TGFBR1: variants seen among roughly 807,000 people sequenced by gnomAD.
The protein encoded by TGFBR1 is TGF-beta receptor type-1.
A neutral mutation model predicts 55.1 loss-of-function variants in TGFBR1; 20 were observed. That is an observed-to-expected ratio of 0.36 (90% CI 0.26 to 0.53). TGFBR1 has a LOEUF of 0.53. Ranked by LOEUF, TGFBR1 falls within the 20% of genes least tolerant of loss-of-function variation. TGFBR1 has a pLI of 0.91. For synonymous variants in TGFBR1, 220 were observed against 214.8 expected (o/e 1.02, Z -0.21); for missense variants, 385 against 617.6 (o/e 0.62, Z 3.99).
chr9:99,104,752 C>G (rs532980039), upstream of TGFBR1, among the ~76,000 whole-genome samples: 7 of 152,256 alleles, frequency 4.6e-5, no homozygotes, highest in East Asian at 1.4e-3. Context: ...CGTCGAACGG[C>G]CACAGCCTTT....
intron 1 of TGFBR1, among the ~76,000 whole-genome samples, chr9:99,112,493 T>C (rs1250535152): frequency 6.6e-6 from 1 of 152,248 alleles, no homozygotes; most frequent in Non-Finnish European, 1.5e-5. Flanking sequence ...ATGTACTTAT[T>C]TACTGTTTAT....
At chr9:99,115,674 CTT>C (rs779837365) in intron 1 of TGFBR1, among the ~76,000 whole-genome samples, 1 of 152,102 alleles carries the variant, frequency 6.6e-6, no homozygotes, top group Non-Finnish European at 1.5e-5. Context: ...AATTGGGTCT[CTT>C]TGTTCAGCAC....
chr9:99,120,234 C>A (rs1447539586), intron 1 of TGFBR1, among the ~76,000 whole-genome samples: 1 of 152,168 alleles, frequency 6.6e-6, no homozygotes, highest in African/African-American at 2.4e-5. Flanking sequence ...TTTTCTGTCT[C>A]TGAGTTCCAT....
At chr9:99,111,430 C>A (rs530527078) in intron 1 of TGFBR1, among the ~76,000 whole-genome samples, 1 of 150,946 alleles carries the variant, frequency 6.6e-6, no homozygotes, top group South Asian at 2.1e-4. Flanking sequence ...AGTTCGAGAC[C>A]AGCCTGGCCA....
At chr9:99,131,882 C>T (rs1047969016) in intron 2 of TGFBR1, among the ~76,000 whole-genome samples, 3 of 151,724 alleles carry the variant, frequency 2.0e-5, no homozygotes, top group Admixed American at 1.3e-4. Context: ...GCAGGAGAAT[C>T]GCTTGAACCC....
At chr9:99,117,140 T>G (rs749002892) in intron 1 of TGFBR1, among the ~76,000 whole-genome samples, 1 of 152,166 alleles carries the variant, frequency 6.6e-6, no homozygotes, top group Non-Finnish European at 1.5e-5. Flanking sequence ...CAGGCTGGAA[T>G]GCAGTGGCGC....
intron 1 of TGFBR1, among the ~76,000 whole-genome samples, chr9:99,119,733 TTC>T (rs1386170412): frequency 1.3e-5 from 2 of 152,242 alleles, no homozygotes; most frequent in Non-Finnish European, 2.9e-5. Flanking sequence ...AAAATATACT[TTC>T]TGTGTGTGCC....
chr9:99,149,622 G>C lies in TGFBR1; in HGVS notation c.*317G>C, dbSNP rs1827923018. The C allele has an allele frequency of 2.6e-6, 1 of 385,230 alleles. No homozygotes were observed. Among genetic ancestry groups the C allele is most frequent in the African/African-American group, 2.0e-5 (1 of 49,322 alleles). The allele number at this position is 385,230 out of a possible 1,614,324, so 23.9% of individuals were successfully genotyped here. A position where few individuals can be genotyped will look rare whatever the true frequency, so the allele number is the denominator to read the frequency against. On this transcript the variant is annotated 3_prime_UTR_variant, in exon 9 of 9. Transcript: ENST00000374994. ...AACTTTAGGTAACTCTGCTGTGCTG[G>C]AGATCATCTTTAAGGGCAAAGGAGT...
chr9:99,140,731 A>T (rs762933621), intron 4 of TGFBR1, among the ~76,000 whole-genome samples: 1 of 152,248 alleles, frequency 6.6e-6, no homozygotes, highest in Non-Finnish European at 1.5e-5. Flanking sequence ...CCTTAAGAAC[A>T]TAGCCACATT....
chr9:99,149,410 T>G lies in TGFBR1; in HGVS notation c.*105T>G, dbSNP rs1827911765. 1 of 1,494,068 alleles carries G rather than the reference T, an allele frequency of 6.7e-7. No homozygotes were observed. The highest frequency in any genetic ancestry group is 1.4e-5 in the African/African-American group (1 of 72,396). 92.6% of individuals were successfully genotyped at this position (1,494,068 alleles called of 1,614,324 possible). On this transcript the variant is annotated 3_prime_UTR_variant, in exon 9 of 9. Transcript: ENST00000374994. ...TCACTGAGAGGGAACAGAAGGATAT[T>G]GCTTCCTTTTGCAGCAGTGTAATAA...
At chr9:99,148,395 T>A (rs1034583162) in intron 8 of TGFBR1, among the ~76,000 whole-genome samples, 2 of 152,228 alleles carry the variant, frequency 1.3e-5, no homozygotes, top group African/African-American at 4.8e-5. Context: ...TAAAGATTCG[T>A]AAGATGAATT....
At position 99,144,997 on chromosome 9, in the gene TGFBR1, A is replaced by G. The variant is rs11568795; in HGVS notation, c.1130+109A>G. Reference sequence around the variant, plus strand: ...ACTCAGCTTAAACTTGCACTTTATTAGATTGCCAACAGGTAAGAAGATCTC... The same window carrying G: ...ACTCAGCTTAAACTTGCACTTTATTGGATTGCCAACAGGTAAGAAGATCTC... On this transcript the variant is annotated intron_variant, in intron 6 of 8. Coordinates refer to ENST00000374994, the MANE Select transcript of TGFBR1 (RefSeq NM_004612.4). The G allele has an allele frequency of 5.8e-3, 7,356 of 1,277,554 alleles. 60 individuals are homozygous for G. The highest frequency in any genetic ancestry group is 0.035 in the East Asian group (1,403 of 39,976). The allele number at this position is 1,277,554 out of a possible 1,614,324, so 79.1% of individuals were successfully genotyped here.
intron 1 of TGFBR1, among the ~76,000 whole-genome samples, chr9:99,127,379 A>G (rs955380621): frequency 1.3e-5 from 2 of 152,156 alleles, no homozygotes; most frequent in African/African-American, 4.8e-5. Flanking sequence ...GACTTCTCCT[A>G]CCCGGCCCCC....
intron 1 of TGFBR1, among the ~76,000 whole-genome samples, chr9:99,106,690 C>T (rs1041055472): frequency 2.6e-5 from 4 of 152,210 alleles, no homozygotes; most frequent in African/African-American, 9.6e-5. Context: ...GTTTCCCAAA[C>T]CTGTATGTCA....
chr9:99,138,590 A>G (rs1827511480), intron 4 of TGFBR1, among the ~76,000 whole-genome samples: 1 of 152,170 alleles, frequency 6.6e-6, no homozygotes, highest in Admixed American at 6.5e-5. Flanking sequence ...ACTCAAAGAG[A>G]TAAATTGTTT....
intron 1 of TGFBR1, chr9:99,128,067 T>G (rs181166174): frequency 1.3e-5 from 6 of 453,780 alleles, no homozygotes. Flanking sequence ...GGTGTATCTG[T>G]GTGTATGAGA....
chr9:99,109,596 A>G (rs999367824), intron 1 of TGFBR1, among the ~76,000 whole-genome samples: 4 of 152,224 alleles, frequency 2.6e-5, no homozygotes, highest in Non-Finnish European at 5.9e-5. Flanking sequence ...TGAAAATGCC[A>G]TTATCCTATG....
In TGFBR1 at chr9:99,149,181, C is replaced by A. The variant is rs748073284; in HGVS notation, c.1388C>A (p.Ala463Asp). 1 of 1,606,816 alleles carries A rather than the reference C, an allele frequency of 6.2e-7. No individual in the cohort carries two copies. The highest frequency in any genetic ancestry group is 1.1e-5 in the South Asian group (1 of 90,246). The change falls in exon 9 of 9, where the codon GCC (alanine) becomes GAC (aspartate). Residue 463 changes from alanine to aspartate, a missense_variant and splice_region_variant. Physicochemically the swap from Ala to Asp is moderately radical, Grantham distance 126. Transcript: ENST00000374994. ...NIPNRWQSCE[A>D]LRVMAKIMRE... The stretch of plus-strand genomic sequence containing the variant: ...TTTTTTTTTTATATTTTCTTGTAGG[C>A]CTTGAGAGTAATGGCTAAAATTATG...
Position 99,149,497 on chromosome 9 carries a change from T to C in TGFBR1, c.*192T>C. 1.5e-6 allele frequency: 1 copy of C among 646,388 alleles called. No individual in the cohort carries two copies. The highest frequency in any genetic ancestry group is 2.7e-6 in the Non-Finnish European group (1 of 376,626). The allele number at this position is 646,388 out of a possible 1,614,324, so 40.0% of individuals were successfully genotyped here. ...AGGAAACAGCCATGTGGGTCCTTTC[T>C]GTGCACTATGAACGCTTCTTTCCCA... On this transcript the variant is annotated 3_prime_UTR_variant, in exon 9 of 9. Coordinates refer to ENST00000374994, the MANE Select transcript of TGFBR1 (RefSeq NM_004612.4).
Sources: allele counts gnomAD v4.1 joint callset (sites outside exome capture counted in the v4.1 genomes callset), GRCh38; gene constraint gnomAD v4.1.1; transcripts MANE v1.5; gene names NCBI Gene and HGNC (gene_info 2026-07-23, HGNC 2026-07-21).